The following PRSS23 variants were observed in gnomAD, a reference collection of about 807,000 sequenced individuals.
PRSS23 encodes the protein protease, serine 23.
Under a neutral mutation model 34.7 loss-of-function variants are expected in PRSS23, and 25 were observed. That is an observed-to-expected ratio of 0.72 (90% CI 0.53 to 1.01). The LOEUF is 1.01. PRSS23 is among the 50% of genes least tolerant of loss of function. The pLI, the probability that PRSS23 is intolerant of heterozygous loss-of-function variation, is 0.00. For missense variants in PRSS23, 445 were observed against 475.6 expected (o/e 0.94, Z 0.60); for synonymous variants, 176 against 186.6 (o/e 0.94, Z 0.46).
chr11:86,905,876 C>T (rs1248582230), intron 2 of PRSS23, among the ~76,000 whole-genome samples: 2 of 152,152 alleles, frequency 1.3e-5, no homozygotes, highest in East Asian at 3.9e-4. Flanking sequence ...ACCAACACAA[C>T]GGTGAAAATT....
intron 2 of PRSS23, among the ~76,000 whole-genome samples, chr11:86,853,957 A>G (rs1289655224): frequency 1.3e-5 from 2 of 152,096 alleles, no homozygotes; most frequent in Non-Finnish European, 2.9e-5. Flanking sequence ...CTTCCTTAAG[A>G]TTAGCGATTT....
intron 2 of PRSS23, among the ~76,000 whole-genome samples, chr11:86,898,372 C>T (rs1321594404): frequency 2.0e-5 from 3 of 152,172 alleles, no homozygotes; most frequent in African/African-American, 4.8e-5. Context: ...TCAGAAAGCT[C>T]CCATAACCCA....
chr11:86,806,707 T>C (rs1948105620), intron 1 of PRSS23, among the ~76,000 whole-genome samples: 1 of 152,220 alleles, frequency 6.6e-6, no homozygotes, highest in African/African-American at 2.4e-5. Context: ...GTCATTAGCG[T>C]CAGCATGCAA....
chr11:86,952,505 A>T (rs752864698), exon 3 of PRSS23: 19 of 1,604,304 alleles, frequency 1.2e-5, no homozygotes, highest in Non-Finnish European at 1.6e-5. Flanking sequence ...ACACAAAAAA[A>T]ACAATGACTT....
chr11:86,930,983 T>C lies in PRSS23; in HGVS notation c.207-20233T>C, dbSNP rs532959944. 1.1e-4 allele frequency among the ~76,000 whole-genome samples: 16 copies of C among 152,226 alleles called. No individual in the cohort carries two copies. In the Middle Eastern group the frequency reaches 0.01, roughly 97 times the overall value. On this transcript the variant is annotated intron_variant, in intron 2 of 2. Transcript: ENST00000533902. ...AAAGTGAGGGCCAAATTGTGCAGGC[T>C]ACGTGAAAAATGTCTGGACTTGCTC...
At chr11:86,916,349 C>A (rs1251318332) in intron 2 of PRSS23, among the ~76,000 whole-genome samples, 1 of 152,092 alleles carries the variant, frequency 6.6e-6, no homozygotes, top group Non-Finnish European at 1.5e-5. Flanking sequence ...GTTTTCATGT[C>A]ACTGGTGTTA....
chr11:86,796,038 GTTAT>G (rs887677770), upstream of PRSS23, among the ~76,000 whole-genome samples: 9 of 152,142 alleles, frequency 5.9e-5, no homozygotes, highest in Non-Finnish European at 8.8e-5. Context: ...CTGCTTTGGG[GTTAT>G]TTAACAGGTC....
At chr11:86,828,025 C>T (rs948117202) in intron 2 of PRSS23, among the ~76,000 whole-genome samples, 8 of 152,268 alleles carry the variant, frequency 5.3e-5, no homozygotes, top group South Asian at 2.1e-4. Context: ...TGGTGCAGAG[C>T]TGAGTTCAAT....
At chr11:86,818,294 G>A (rs1948227695) in intron 1 of PRSS23, among the ~76,000 whole-genome samples, 1 of 152,044 alleles carries the variant, frequency 6.6e-6, no homozygotes, top group South Asian at 2.1e-4. Context: ...TTTATGCTGT[G>A]CCACATCATA....
At chr11:86,848,941 A>G (rs1391251002) in intron 2 of PRSS23, among the ~76,000 whole-genome samples, 1 of 152,214 alleles carries the variant, frequency 6.6e-6, no homozygotes, top group Non-Finnish European at 1.5e-5. Flanking sequence ...TTGTCCAACT[A>G]GAAACAAACT....
chr11:86,842,535 G>T (rs1297880407), intron 2 of PRSS23, among the ~76,000 whole-genome samples: 1 of 152,192 alleles, frequency 6.6e-6, no homozygotes, highest in Non-Finnish European at 1.5e-5. Context: ...AAACCCCATT[G>T]TCTCAGCCCA....
intron 2 of PRSS23, among the ~76,000 whole-genome samples, chr11:86,931,895 G>A (rs891299587): frequency 1.3e-5 from 2 of 152,122 alleles, no homozygotes; most frequent in African/African-American, 4.8e-5. Flanking sequence ...TCCAGGAGAA[G>A]GGTGACGGTA....
At chr11:86,925,815 C>T (rs967096020) in intron 2 of PRSS23, among the ~76,000 whole-genome samples, 1 of 152,216 alleles carries the variant, frequency 6.6e-6, no homozygotes. Flanking sequence ...CCAACACTGT[C>T]TTTCCAGCCT....
At chr11:86,916,146 C>A (rs1340812310) in intron 2 of PRSS23, among the ~76,000 whole-genome samples, 1 of 151,974 alleles carries the variant, frequency 6.6e-6, no homozygotes, top group Non-Finnish European at 1.5e-5. Context: ...ATAATGCATA[C>A]AAATATAATA....
At chr11:86,795,290 C>T (rs984302002) in intron 1 of PRSS23, among the ~76,000 whole-genome samples, 1 of 152,104 alleles carries the variant, frequency 6.6e-6, no homozygotes, top group East Asian at 1.9e-4. Context: ...GTGCTGAGCT[C>T]GATGCTATGG....
intron 2 of PRSS23, among the ~76,000 whole-genome samples, chr11:86,900,789 T>C (rs1948906672): frequency 7.0e-6 from 1 of 143,802 alleles, no homozygotes; most frequent in African/African-American, 2.6e-5. Flanking sequence ...CTCTTTTTTT[T>C]TTTTTTTTTT....
At chr11:86,937,027 G>A (rs1407756101) in intron 2 of PRSS23, 1 of 152,214 alleles carries the variant, frequency 6.6e-6, no homozygotes, top group Non-Finnish European at 1.5e-5. Context: ...ACTGGGACCA[G>A]TACATGTGCC....
At chr11:86,910,530 T>C (rs1948970304) in intron 2 of PRSS23, 1 of 152,186 alleles carries the variant, frequency 6.6e-6, no homozygotes, top group African/African-American at 2.4e-5. Flanking sequence ...TGGTTAACTA[T>C]AAACAAGGAA....
rs1225590148 is a variant in PRSS23 at position 86,831,846 on chromosome 11, T to G, written c.206+8253T>G. Among the ~76,000 whole-genome samples the G allele has an allele frequency of 5.9e-5, 9 of 152,054 alleles. 1 individual carries two copies. Among genetic ancestry groups the G allele is most frequent in the African/African-American group, 2.2e-4 (9 of 41,380 alleles). The stretch of plus-strand genomic sequence containing the variant: ...CCCTGTCATATTATTTGTAATATCC[T>G]ATGCCAGTGTTCCTCCTAATGTCAC... On this transcript the variant is annotated intron_variant, in intron 2 of 2. Transcript: ENST00000533902.
Sources: allele counts gnomAD v4.1 joint callset (sites outside exome capture counted in the v4.1 genomes callset), GRCh38; gene constraint gnomAD v4.1.1; transcripts MANE v1.5; gene names NCBI Gene and HGNC (gene_info 2026-07-23, HGNC 2026-07-21).